The following PIK3C2G variants were observed in gnomAD, a reference collection of about 807,000 sequenced individuals.
PIK3C2G encodes the protein phosphatidylinositol-4-phosphate 3-kinase catalytic subunit type 2 gamma, also known as phosphatidylinositol 3-kinase C2 domain-containing subunit gamma.
A neutral mutation model predicts 181.1 loss-of-function variants in PIK3C2G; 168 were observed. The ratio of observed to expected loss-of-function variants is 0.93; its 90% CI spans 0.82 to 1.05. The LOEUF is 1.05. Among genes scored for constraint, PIK3C2G ranks in the 50% least tolerant of loss-of-function variants. The probability of loss-of-function intolerance (pLI) is 0.00; values close to 1 mark genes in which losing one functional copy is unlikely to be tolerated. For synonymous variants in PIK3C2G, 573 were observed against 592.2 expected (o/e 0.97, Z 0.47); for missense variants, 1,869 against 1,732.8 (o/e 1.08, Z -1.40).
chr12:18,346,907 T>C lies in PIK3C2G; in HGVS notation c.1625+71T>C, dbSNP rs910730176. On this transcript the variant is annotated intron_variant, in intron 11 of 32. Coordinates refer to ENST00000538779, the MANE Select transcript of PIK3C2G (RefSeq NM_001288772.2). Reference sequence around the variant, plus strand: ...CTTCTAAGTAGAATGCAATTTGTCATGTTCTTATATGCAGGAGCAAAGATT... The same window carrying C: ...CTTCTAAGTAGAATGCAATTTGTCACGTTCTTATATGCAGGAGCAAAGATT... 4.3e-6 allele frequency: 4 copies of C among 933,430 alleles called. No homozygotes were observed. In the African/African-American group the frequency reaches 5.0e-5, roughly 12 times the overall value. 57.8% of individuals were successfully genotyped at this position (933,430 alleles called of 1,614,324 possible). A position where few individuals can be genotyped will look rare whatever the true frequency, so the allele number is the denominator to read the frequency against.
At chr12:18,713,968 G>A in the PIK3C2G span, 4 of 152,238 alleles carry the variant, frequency 2.6e-5, no homozygotes, top group East Asian at 7.7e-4. Flanking sequence ...TAGCACATAT[G>A]CTTTTATTTA....
the PIK3C2G span, among the ~76,000 whole-genome samples, chr12:18,697,573 C>T: frequency 9.0e-4 from 137 of 152,202 alleles, 3 homozygotes; most frequent in East Asian, 0.018. Flanking sequence ...ATTACAAATA[C>T]AGTTCATGTT....
intron 18 of PIK3C2G, among the ~76,000 whole-genome samples, chr12:18,456,985 G>A (rs1415924360): frequency 1.3e-5 from 2 of 151,950 alleles, no homozygotes; most frequent in African/African-American, 2.4e-5. Context: ...GTAATCTTGA[G>A]GGACAAAACC....
chr12:18,703,699 A>G, the PIK3C2G span, among the ~76,000 whole-genome samples: 500 of 152,220 alleles, frequency 3.3e-3, 5 homozygotes, highest in African/African-American at 0.012. Context: ...TCTGTTCTGT[A>G]CCTCTGTTTT....
At chr12:18,504,477 T>C (rs1183531193) in intron 23 of PIK3C2G, among the ~76,000 whole-genome samples, 1 of 152,138 alleles carries the variant, frequency 6.6e-6, no homozygotes, top group Non-Finnish European at 1.5e-5. Flanking sequence ...GTGACTTGCT[T>C]AGGCATGTAG....
At chr12:18,365,177 A>T (rs933194473) in intron 12 of PIK3C2G, among the ~76,000 whole-genome samples, 2 of 152,200 alleles carry the variant, frequency 1.3e-5, no homozygotes, top group African/African-American at 4.8e-5. Context: ...TCCTAAGCTG[A>T]TGGTTTTACT....
chr12:18,668,647 T>C, the PIK3C2G span, among the ~76,000 whole-genome samples: 1 of 151,974 alleles, frequency 6.6e-6, no homozygotes, highest in Non-Finnish European at 1.5e-5. Context: ...ACAACTCATC[T>C]CCCTAGAGCA....
At chr12:18,681,095 T>G in the PIK3C2G span, among the ~76,000 whole-genome samples, 1 of 152,168 alleles carries the variant, frequency 6.6e-6, no homozygotes, top group Non-Finnish European at 1.5e-5. Flanking sequence ...AGAGTGGCTG[T>G]GTCCGGGTTG....
At chr12:18,562,945 ACTTCT>A (rs1945429015) in intron 27 of PIK3C2G, 53 bp downstream of exon 27, 1 of 1,131,736 alleles carries the variant, frequency 8.8e-7, no homozygotes, top group African/African-American at 1.5e-5. Flanking sequence ...TTTATCTCAG[ACTTCT>A]CTTCACTATG....
At chr12:18,307,633 TTC>T (rs964064180) in intron 5 of PIK3C2G, among the ~76,000 whole-genome samples, 3 of 151,900 alleles carry the variant, frequency 2.0e-5, no homozygotes, top group Non-Finnish European at 2.9e-5. Context: ...TGCCTTTCAT[TTC>T]TCTTTCTCTT....
chr12:18,693,538 A>C, the PIK3C2G span: 1 of 1,611,536 alleles, frequency 6.2e-7, no homozygotes, highest in Non-Finnish European at 8.5e-7. Context: ...TTGGCTCTGA[A>C]CTTATTCAGA....
intron 18 of PIK3C2G, among the ~76,000 whole-genome samples, chr12:18,481,843 C>T (rs941091759): frequency 5.3e-5 from 8 of 152,080 alleles, no homozygotes; most frequent in African/African-American, 4.8e-5. Flanking sequence ...CCCCCTTATT[C>T]GGCATCTTAG....
chr12:18,430,225 A>G (rs1946077457), intron 18 of PIK3C2G, among the ~76,000 whole-genome samples: 1 of 152,208 alleles, frequency 6.6e-6, no homozygotes, highest in South Asian at 2.1e-4. Flanking sequence ...TATGGGATAC[A>G]TCGTAGGTAG....
chr12:18,675,613 C>A, the PIK3C2G span, among the ~76,000 whole-genome samples: 1 of 152,032 alleles, frequency 6.6e-6, no homozygotes, highest in Non-Finnish European at 1.5e-5. Flanking sequence ...AGTCATAGAA[C>A]CAAGTAAGTG....
Position 18,647,940 on chromosome 12 carries a change from C to T in PIK3C2G, c.4373C>T (p.Thr1458Ile). 1 of 1,600,118 alleles carries T rather than the reference C, an allele frequency of 6.2e-7. No individual in the cohort carries two copies. The change falls in exon 33 of 33, where the codon ACT becomes ATT. Residue 1458 changes from threonine to isoleucine, a missense_variant. Coordinates refer to ENST00000538779, the MANE Select transcript of PIK3C2G (RefSeq NM_001288772.2). The part of the protein sequence containing the change: ...HVLMLIVKSK[T>I]VFVGAINIRL... Reference sequence around the variant, plus strand: ...TTAATGCTTATTGTGAAGAGTAAAACTGTATTTGTGGGAGCAATTAACATC... The same window carrying T: ...TTAATGCTTATTGTGAAGAGTAAAATTGTATTTGTGGGAGCAATTAACATC...
At chr12:18,287,728 G>A (rs933531705) in intron 3 of PIK3C2G, among the ~76,000 whole-genome samples, 5 of 151,198 alleles carry the variant, frequency 3.3e-5, no homozygotes, top group Non-Finnish European at 5.9e-5. Flanking sequence ...GCTGGGTGTG[G>A]TGGCGTGCAC....
At chr12:18,500,736 T>G (rs1033547376) in intron 22 of PIK3C2G, among the ~76,000 whole-genome samples, 2 of 151,998 alleles carry the variant, frequency 1.3e-5, no homozygotes, top group Non-Finnish European at 2.9e-5. Context: ...GATAAAAGAA[T>G]AAAAGCAGGC....
In PIK3C2G at chr12:18,395,084, C is replaced by CTTTCTTTCTTTCTTTCTTTCT. The variant is rs1353162233; in HGVS notation, c.2126+3834_2126+3835insTCTTTCTTTCTTTCTTTCTTT. 4.4e-3 allele frequency among the ~76,000 whole-genome samples: 618 copies of CTTTCTTTCTTTCTTTCTTTCT among 141,574 alleles called. 7 individuals are homozygous for CTTTCTTTCTTTCTTTCTTTCT. In the East Asian group the frequency reaches 0.047, roughly 11 times the overall value. The allele number at this position is 141,574 out of a possible 152,430, so 92.9% of individuals were successfully genotyped here. On this transcript the variant is annotated intron_variant, in intron 15 of 32. Coordinates refer to ENST00000538779, the MANE Select transcript of PIK3C2G (RefSeq NM_001288772.2). ...CCTTCTTTCCCTGCCTCTTTCATTCCTTCTTTCTTTCTTTCTTTCATTCTT... is the reference window on the plus strand; with the variant it reads ...CCTTCTTTCCCTGCCTCTTTCATTCCTTTCTTTCTTTCTTTCTTTCTTTCTTTCTTTCTTTCTTTCATTCTT...
the PIK3C2G span, among the ~76,000 whole-genome samples, chr12:18,678,179 CTA>C: frequency 2.2e-4 from 33 of 152,168 alleles, no homozygotes; most frequent in African/African-American, 7.2e-4. Flanking sequence ...AGGAAGGCTT[CTA>C]TCACCTGATC....
Sources: allele counts gnomAD v4.1 joint callset (sites outside exome capture counted in the v4.1 genomes callset), GRCh38; gene constraint gnomAD v4.1.1; transcripts MANE v1.5; gene names NCBI Gene and HGNC (gene_info 2026-07-23, HGNC 2026-07-21).